BTG4: variants seen among roughly 807,000 people sequenced by gnomAD.
The protein encoded by BTG4 is protein BTG4.
BTG4 carries 10 observed loss-of-function variants against 19.3 expected under a neutral mutation model. That is an observed-to-expected ratio of 0.52 (90% confidence interval 0.32 to 0.88). The LOEUF (loss-of-function observed/expected upper bound fraction) is 0.88, where lower values mean the gene tolerates loss of function less well. BTG4 is among the 40% of genes least tolerant of loss of function. The probability of loss-of-function intolerance (pLI) is 0.04; values close to 1 mark genes in which losing one functional copy is unlikely to be tolerated. For missense variants in BTG4, 238 were observed against 281.9 expected (o/e 0.84, Z 1.11); for synonymous variants, 91 against 95.7 (o/e 0.95, Z 0.29).
the BTG4 span, among the ~76,000 whole-genome samples, chr11:111,448,155 G>A: frequency 6.6e-6 from 1 of 152,234 alleles, no homozygotes; most frequent in Non-Finnish European, 1.5e-5. Flanking sequence ...CCTGAGCACA[G>A]AGAACCCTCA....
At chr11:111,447,700 G>A in the BTG4 span, among the ~76,000 whole-genome samples, 1 of 152,206 alleles carries the variant, frequency 6.6e-6, no homozygotes, top group South Asian at 2.1e-4. Context: ...GGAAGACAGG[G>A]AGGTAGGAAA....
At chr11:111,513,693 GT>G (rs199711167), upstream of BTG4, among the ~76,000 whole-genome samples, 1 of 149,760 alleles carries the variant, frequency 6.7e-6, no homozygotes, top group Non-Finnish European at 1.5e-5. Context: ...GTTTTGTTTT[GT>G]TTTTTTTTCA....
At chr11:111,432,604 G>C in the BTG4 span, among the ~76,000 whole-genome samples, 3 of 152,066 alleles carry the variant, frequency 2.0e-5, no homozygotes, top group South Asian at 2.1e-4. Context: ...AGACCACGCT[G>C]TTGCACTCCA....
chr11:111,412,092 T>C, the BTG4 span, among the ~76,000 whole-genome samples: 2 of 152,050 alleles, frequency 1.3e-5, no homozygotes, highest in African/African-American at 4.8e-5. Flanking sequence ...GGACCAGAAA[T>C]GAGAGACAAG....
chr11:111,426,352 C>G, the BTG4 span, among the ~76,000 whole-genome samples: 1 of 152,162 alleles, frequency 6.6e-6, no homozygotes, highest in Non-Finnish European at 1.5e-5. Flanking sequence ...GCAGAAGACT[C>G]TAGCACCCAT....
At chr11:111,468,746 T>G (rs1490072955) in intron 5 of BTG4, among the ~76,000 whole-genome samples, 1 of 152,174 alleles carries the variant, frequency 6.6e-6, no homozygotes, top group Non-Finnish European at 1.5e-5. Context: ...CAAACTGTGA[T>G]CCTTAGACCT....
the BTG4 span, chr11:111,415,902 G>A: frequency 1.3e-5 from 2 of 152,022 alleles, no homozygotes; most frequent in African/African-American, 2.4e-5. Context: ...AAAATAGCTG[G>A]GTGCAGTGGC....
chr11:111,398,710 T>C, the BTG4 span, among the ~76,000 whole-genome samples: 87,704 of 151,906 alleles, frequency 0.58, 27,051 homozygotes, highest in Admixed American at 0.7. Context: ...AATCACACAG[T>C]GACACCTTCC....
the BTG4 span, among the ~76,000 whole-genome samples, chr11:111,402,373 T>TCG: frequency 6.6e-6 from 1 of 152,234 alleles, no homozygotes; most frequent in African/African-American, 2.4e-5. Context: ...TTAAATTTTA[T>TCG]TACATGTTAT....
the BTG4 span, among the ~76,000 whole-genome samples, chr11:111,421,197 T>C: frequency 6.6e-6 from 1 of 152,156 alleles, no homozygotes; most frequent in Non-Finnish European, 1.5e-5. Flanking sequence ...TAGGGCCTCG[T>C]AGACTATCTA....
the BTG4 span, among the ~76,000 whole-genome samples, chr11:111,438,018 T>C: frequency 6.6e-6 from 1 of 152,164 alleles, no homozygotes; most frequent in African/African-American, 2.4e-5. Flanking sequence ...TAGACAACAT[T>C]CTACACCCAC....
the BTG4 span, chr11:111,461,849 G>A: frequency 1.3e-5 from 2 of 152,764 alleles, no homozygotes; most frequent in Non-Finnish European, 2.9e-5. Flanking sequence ...GTGGGGCCAT[G>A]AGCAGAAAAA....
chr11:111,420,581 T>G, the BTG4 span, among the ~76,000 whole-genome samples: 1 of 152,170 alleles, frequency 6.6e-6, no homozygotes, highest in African/African-American at 2.4e-5. Context: ...ACAGGAGCTG[T>G]ATGTAGAGCT....
the BTG4 span, among the ~76,000 whole-genome samples, chr11:111,409,938 T>C: frequency 3.9e-5 from 6 of 152,190 alleles, no homozygotes; most frequent in Non-Finnish European, 7.3e-5. Flanking sequence ...GTCACATACT[T>C]GGGGAAGTGA....
chr11:111,413,389 T>A, the BTG4 span, among the ~76,000 whole-genome samples: 1 of 152,248 alleles, frequency 6.6e-6, no homozygotes, highest in African/African-American at 2.4e-5. Flanking sequence ...CACACGCCGG[T>A]TTGAGAAGCA....
At chr11:111,455,352 G>T in the BTG4 span, 1 of 282,062 alleles carries the variant, frequency 3.5e-6, no homozygotes, top group Non-Finnish European at 7.2e-6. Context: ...TGTAGCGCCT[G>T]CAGGTGAGCA....
the BTG4 span, among the ~76,000 whole-genome samples, chr11:111,436,869 T>C: frequency 6.6e-6 from 1 of 152,070 alleles, no homozygotes; most frequent in African/African-American, 2.4e-5. Context: ...GGCTCGCGTG[T>C]GGGTGTTTGT....
At chr11:111,503,258 A>G (rs1296579958) in intron 1 of BTG4, among the ~76,000 whole-genome samples, 4 of 152,210 alleles carry the variant, frequency 2.6e-5, no homozygotes, top group Non-Finnish European at 5.9e-5. Flanking sequence ...TCAGTGGAAG[A>G]GTCGGTATAA....
At chr11:111,440,390 G>A in the BTG4 span, among the ~76,000 whole-genome samples, 1 of 152,198 alleles carries the variant, frequency 6.6e-6, no homozygotes, top group Admixed American at 6.5e-5. Flanking sequence ...CTTTTCAGAA[G>A]CCACCAGCCC....
Sources: gnomAD v4.1 joint callset for allele counts (sites outside exome capture counted in the v4.1 genomes callset) on GRCh38, gnomAD v4.1.1 for gene constraint, MANE v1.5 for transcripts, NCBI Gene and HGNC (gene_info 2026-07-23, HGNC 2026-07-21) for gene names.